The following FGF13 variants were observed in gnomAD, a reference collection of about 807,000 sequenced individuals.
FGF13 encodes the protein fibroblast growth factor homologous factor 2.
A neutral mutation model predicts 19.5 loss-of-function variants in FGF13; 2 were observed. That is an observed-to-expected ratio of 0.10 (90% CI 0.04 to 0.32). FGF13 has a LOEUF of 0.32. FGF13 is among the 10% of genes least tolerant of loss of function. The pLI is 1.00. For missense variants in FGF13, 113 were observed against 192.7 expected (o/e 0.59, Z 2.45); for synonymous variants, 72 against 76.9 (o/e 0.94, Z 0.33).
intron 1 of FGF13, among the ~76,000 whole-genome samples, chrX:139,188,103 T>G (rs1244068852): frequency 8.9e-6 from 1 of 112,201 alleles, no homozygotes; most frequent in Non-Finnish European, 1.9e-5. Context: ...CTTAGTTCTC[T>G]GTGTTTCCCA....
intron 3 of FGF13, among the ~76,000 whole-genome samples, chrX:138,807,414 G>C (rs2090877935): frequency 9.0e-6 from 1 of 110,776 alleles, no homozygotes; most frequent in African/African-American, 3.3e-5. Flanking sequence ...GTCACCACCA[G>C]GCCTGCCCTA....
intron 1 of FGF13, among the ~76,000 whole-genome samples, chrX:139,133,886 G>A (rs1382523107): frequency 1.8e-5 from 2 of 111,951 alleles, no homozygotes; most frequent in Non-Finnish European, 1.9e-5. Context: ...CTGAGCACTA[G>A]TTTCCTCGGC....
At chrX:138,659,573 A>G (rs1251051909) in intron 3 of FGF13, among the ~76,000 whole-genome samples, 2 of 111,734 alleles carry the variant, frequency 1.8e-5, no homozygotes, top group Admixed American at 9.5e-5. Flanking sequence ...TAACCAAAGG[A>G]TTATAAATCA....
intron 3 of FGF13, among the ~76,000 whole-genome samples, chrX:138,808,924 A>T (rs1353805878): frequency 8.9e-6 from 1 of 111,851 alleles, no homozygotes; most frequent in Non-Finnish European, 1.9e-5. Flanking sequence ...ATAGAACAAT[A>T]ACAGTCTCTG....
intron 3 of FGF13, among the ~76,000 whole-genome samples, chrX:138,644,371 G>A (rs1218886513): frequency 2.7e-5 from 3 of 110,550 alleles, no homozygotes; most frequent in Non-Finnish European, 5.7e-5. Context: ...TCCACCTCCC[G>A]GGTTCAAGGG....
chrX:139,153,623 C>G (rs2083953266), intron 1 of FGF13, among the ~76,000 whole-genome samples: 1 of 111,163 alleles, frequency 9.0e-6, no homozygotes, highest in Non-Finnish European at 1.9e-5. Context: ...ATAAGAGAGA[C>G]AAGGAAAAGC....
At position 138,629,067 on chromosome X, in the gene FGF13, CTGACAT is replaced by C. The variant is rs1353192197; in HGVS notation, c.*3777_*3782del. ...ACATTAAGTGCCATGCCATAGAACACTGACATTAAGTGCTGTGGCATAGAACAGTAG... is the reference window on the plus strand; with the variant it reads ...ACATTAAGTGCCATGCCATAGAACACTAAGTGCTGTGGCATAGAACAGTAG... On this transcript the variant is annotated 3_prime_UTR_variant, in exon 5 of 5. Coordinates refer to ENST00000315930, the MANE Select transcript of FGF13 (RefSeq NM_004114.5). 6 of 112,006 alleles carry C rather than the reference CTGACAT, an allele frequency of 5.4e-5. No individual in the cohort carries two copies. The highest frequency in any genetic ancestry group is 1.1e-4 in the Non-Finnish European group (6 of 53,236). The allele number at this position is 112,006 out of a possible 1,213,427, so 9.2% of individuals were successfully genotyped here.
intron 1 of FGF13, among the ~76,000 whole-genome samples, chrX:139,037,346 T>C (rs2092253921): frequency 9.0e-6 from 1 of 111,317 alleles, no homozygotes; most frequent in African/African-American, 3.3e-5. Context: ...AGAGGTAATG[T>C]TCATGAGCAT....
intron 3 of FGF13, among the ~76,000 whole-genome samples, chrX:138,772,787 G>T (rs183817031): frequency 2.1e-3 from 228 of 110,936 alleles, no homozygotes; most frequent in African/African-American, 6.7e-3. Context: ...TTTGAAAACC[G>T]TCAAAATCCA....
At position 139,078,403 on chromosome X, in the gene FGF13, T is replaced by C. The variant is rs144767952; in HGVS notation, c.-113+125013A>G. On this transcript the variant is annotated intron_variant, in intron 1 of 2. Transcript: ENST00000421460. ...GCTCACTAAGCCTGATAGATGGGAG[T>C]ACAAGGACAATGACATGATCTACAT... Among the ~76,000 whole-genome samples the C allele has an allele frequency of 3.5e-4, 39 of 110,946 alleles. 1 individual carries two copies. The East Asian group carries it at 5.8e-3, about 16-fold the overall frequency.
At chrX:138,795,384 T>A (rs920624140) in intron 3 of FGF13, among the ~76,000 whole-genome samples, 7 of 112,503 alleles carry the variant, frequency 6.2e-5, no homozygotes, top group African/African-American at 2.3e-4. Context: ...TACTTTGTAC[T>A]ATAAGTTATT....
At chrX:138,708,785 C>T (rs1227289303) in intron 2 of FGF13, 33 bp downstream of exon 2, 4 of 877,760 alleles carry the variant, frequency 4.6e-6, no homozygotes, top group Non-Finnish European at 6.6e-6. Context: ...TAACAACATG[C>T]TGGCATATAC....
At chrX:139,050,838 C>G (rs2092301432) in intron 1 of FGF13, among the ~76,000 whole-genome samples, 1 of 112,011 alleles carries the variant, frequency 8.9e-6, no homozygotes, top group Admixed American at 9.5e-5. Flanking sequence ...AATAAATCAG[C>G]CTTTACTATA....
chrX:138,625,484 AATATATATATATAC>A lies in FGF13; in HGVS notation c.*7352_*7365del, dbSNP rs1177353677. ...TATATATATATACATATATATATAT[AATATATATATATAC>A]ATATATATATATAATATAATATATA... is the stretch of plus-strand genomic sequence containing the variant. On this transcript the variant is annotated 3_prime_UTR_variant, in exon 5 of 5. Transcript: ENST00000315930. 13 of 93,811 alleles carry A rather than the reference AATATATATATATAC, an allele frequency of 1.4e-4. No homozygotes were observed. The allele number at this position is 93,811 out of a possible 1,213,427, so 7.7% of individuals were successfully genotyped here. A position where few individuals can be genotyped will look rare whatever the true frequency, so the allele number is the denominator to read the frequency against.
chrX:139,012,696 C>T (rs940951063), intron 1 of FGF13, among the ~76,000 whole-genome samples: 1 of 111,727 alleles, frequency 9.0e-6, no homozygotes, highest in Non-Finnish European at 1.9e-5. Context: ...CAAAAATCAA[C>T]TCAAGATGGA....
At chrX:138,954,095 C>A (rs201604197) in intron 1 of FGF13, among the ~76,000 whole-genome samples, 114 of 94,163 alleles carry the variant, frequency 1.2e-3, no homozygotes, top group African/African-American at 3.6e-3. Flanking sequence ...GTAAATTTAA[C>A]GAGAGAGAGA....
chrX:138,886,950 C>G (rs899368764), intron 1 of FGF13, among the ~76,000 whole-genome samples: 1 of 111,464 alleles, frequency 9.0e-6, no homozygotes, highest in Non-Finnish European at 1.9e-5. Context: ...CCAGGAAGAG[C>G]AAACTTTGGC....
At chrX:139,160,254 G>A (rs189724986) in intron 1 of FGF13, among the ~76,000 whole-genome samples, 566 of 112,001 alleles carry the variant, frequency 5.1e-3, no homozygotes, top group African/African-American at 0.017. Context: ...GGTAAATAAC[G>A]AAATGAAGGC....
chrX:139,049,368 G>A (rs1433970595), intron 1 of FGF13, among the ~76,000 whole-genome samples: 2 of 111,523 alleles, frequency 1.8e-5, no homozygotes, highest in Non-Finnish European at 3.8e-5. Context: ...ATTACCAACT[G>A]TTGAGACAGG....
Sources: gnomAD v4.1 joint callset for allele counts (sites outside exome capture counted in the v4.1 genomes callset) on GRCh38, gnomAD v4.1.1 for gene constraint, MANE v1.5 for transcripts, NCBI Gene and HGNC (gene_info 2026-07-23, HGNC 2026-07-21) for gene names.